Variants in SMARCA2 observed in about 807,000 individuals in gnomAD.
The protein encoded by SMARCA2 is SWI/SNF-related matrix-associated actin-dependent regulator of chromatin subfamily A member 2.
In SMARCA2, 61 loss-of-function variants were observed where a neutral mutation model predicts 199.8. The observed-to-expected ratio is 0.31, with a 90% confidence interval of 0.25 to 0.38. The LOEUF (loss-of-function observed/expected upper bound fraction) is 0.38. SMARCA2 is among the 10% of genes least tolerant of loss of function. The probability of loss-of-function intolerance (pLI) is 1.00; values close to 1 mark genes in which losing one functional copy is unlikely to be tolerated. For missense variants in SMARCA2, 1,344 were observed against 2,012.2 expected (o/e 0.67, Z 6.35); for synonymous variants, 935 against 732.0 (o/e 1.28, Z -4.48).
chr9:2,084,864 C>T (rs1200525054), intron 17 of SMARCA2, among the ~76,000 whole-genome samples: 2 of 152,086 alleles, frequency 1.3e-5, no homozygotes, highest in Non-Finnish European at 2.9e-5. Flanking sequence ...ATTTTTACTC[C>T]CATTTATATC....
chr9:2,034,689 CTA>C (rs1338779095), intron 3 of SMARCA2, among the ~76,000 whole-genome samples: 3 of 152,194 alleles, frequency 2.0e-5, no homozygotes, highest in Non-Finnish European at 4.4e-5. Context: ...TTAGAGAAGT[CTA>C]TGCACAGTTG....
intron 24 of SMARCA2, among the ~76,000 whole-genome samples, chr9:2,113,774 A>G (rs1298031409): frequency 6.6e-6 from 1 of 152,122 alleles, no homozygotes; most frequent in East Asian, 1.9e-4. Context: ...TGTTCTATTC[A>G]TATTCTGCTG....
At chr9:2,160,420 T>C in intron 27 of SMARCA2, 1 of 549,104 alleles carries the variant, frequency 1.8e-6, no homozygotes. Context: ...CATATTTTTT[T>C]AAAAATCCCA....
chr9:2,064,620 A>G (rs1044551804), intron 9 of SMARCA2, among the ~76,000 whole-genome samples: 6 of 152,178 alleles, frequency 3.9e-5, no homozygotes, highest in African/African-American at 1.4e-4. Flanking sequence ...AATCAGTTGA[A>G]TATTAGTGTG....
chr9:2,090,825 G>T (rs1822022720), intron 19 of SMARCA2, among the ~76,000 whole-genome samples: 1 of 151,524 alleles, frequency 6.6e-6, no homozygotes, highest in Non-Finnish European at 1.5e-5. Context: ...CTGGGCTGAT[G>T]TTCATTTTCT....
Position 2,060,118 on chromosome 9 carries a change from C to CAAAAAA in SMARCA2, c.1522-671_1522-666dup, listed in dbSNP as rs372329238. Among the ~76,000 whole-genome samples the CAAAAAA allele has an allele frequency of 2.9e-3, 184 of 62,386 alleles. 5 individuals are homozygous for CAAAAAA. Among genetic ancestry groups the CAAAAAA allele is most frequent in the African/African-American group, 7.6e-3 (172 of 22,520 alleles). The allele number at this position is 62,386 out of a possible 152,430, so 40.9% of individuals were successfully genotyped here. On this transcript the variant is annotated intron_variant, in intron 8 of 33. Transcript: ENST00000349721. ...CCATTACTCAGTGCAGATCTGTGGCCAAAAAAAAAAAAAAAAAAAAAAAAA... is the reference window on the plus strand; with the variant it reads ...CCATTACTCAGTGCAGATCTGTGGCCAAAAAAAAAAAAAAAAAAAAAAAAAAAAAAA...
intron 28 of SMARCA2, among the ~76,000 whole-genome samples, chr9:2,164,072 G>A (rs916064607): frequency 5.9e-5 from 9 of 152,104 alleles, no homozygotes; most frequent in Admixed American, 6.5e-5. Context: ...TGGCAGCATC[G>A]CGCTCTAGGT....
At chr9:2,129,185 G>C (rs1430722271) in intron 27 of SMARCA2, among the ~76,000 whole-genome samples, 1 of 152,194 alleles carries the variant, frequency 6.6e-6, no homozygotes, top group Non-Finnish European at 1.5e-5. Flanking sequence ...TTGGGAGGGC[G>C]AGGCGGGTGG....
chr9:2,035,526 T>C (rs2130222019), intron 3 of SMARCA2, among the ~76,000 whole-genome samples: 1 of 152,314 alleles, frequency 6.6e-6, no homozygotes, highest in Admixed American at 6.5e-5. Context: ...TTTACTTTTA[T>C]TTCTGTGATC....
chr9:2,046,806 A>C (rs1001156701), intron 4 of SMARCA2, among the ~76,000 whole-genome samples: 1 of 151,914 alleles, frequency 6.6e-6, no homozygotes, highest in South Asian at 2.1e-4. Context: ...TCTTTTCTGA[A>C]CTCTCAATGC....
chr9:2,077,823 C>T (rs1424784220), intron 14 of SMARCA2, 47 bp downstream of exon 14: 1 of 1,544,674 alleles, frequency 6.5e-7, no homozygotes, highest in East Asian at 2.4e-5. Flanking sequence ...AACCATTTAC[C>T]TAATTTTGAT....
chr9:2,161,337 T>C lies in SMARCA2; in HGVS notation c.3982-349T>C, dbSNP rs1825663213. On this transcript the variant is annotated intron_variant, in intron 27 of 33. Coordinates refer to ENST00000349721, the MANE Select transcript of SMARCA2 (RefSeq NM_003070.5). This position sits in a 1 kb window ranked among gnomAD's most constrained non-coding sequence, Gnocchi z 4.7. ...CCTTCCCTTACAGTAATGAGAACATTAGGGTCTTGTTCTTAAACTGAGCTA... is the reference window on the plus strand; with the variant it reads ...CCTTCCCTTACAGTAATGAGAACATCAGGGTCTTGTTCTTAAACTGAGCTA... Among the ~76,000 whole-genome samples, 1 of 152,148 alleles carries C rather than the reference T, an allele frequency of 6.6e-6. No homozygotes were observed. Among genetic ancestry groups the C allele is most frequent in the African/African-American group, 2.4e-5 (1 of 41,434 alleles).
At chr9:2,148,535 C>T (rs1340339946) in intron 27 of SMARCA2, among the ~76,000 whole-genome samples, 2 of 151,382 alleles carry the variant, frequency 1.3e-5, no homozygotes, top group East Asian at 3.9e-4. Context: ...TACATGTGCA[C>T]AATGTGCAGG....
Position 2,073,564 on chromosome 9 carries a change from A to C in SMARCA2, c.1878-2A>C. 6.2e-7 allele frequency: 1 copy of C among 1,610,180 alleles called. No homozygotes were observed. The highest frequency in any genetic ancestry group is 8.5e-7 in the Non-Finnish European group (1 of 1,176,894). ...CTCCTCTTCCTCACTCTTTTTCCTT[A>C]GTTATGAAGTTGCCCCTAGATCTGA... On this transcript the variant is annotated splice_acceptor_variant, in intron 11 of 33. Transcript: ENST00000349721. LOFTEE classifies it high-confidence loss of function.
chr9:2,159,327 A>G (rs986974176), intron 27 of SMARCA2: 1 of 272,326 alleles, frequency 3.7e-6, no homozygotes, highest in African/African-American at 2.2e-5. Context: ...GCAGAATAAC[A>G]TATTATGTTA....
At chr9:2,033,904 T>C (rs564293180) in intron 3 of SMARCA2, among the ~76,000 whole-genome samples, 7 of 152,226 alleles carry the variant, frequency 4.6e-5, no homozygotes, top group African/African-American at 1.7e-4. Context: ...TGGATTAGGG[T>C]CTTCCCTAAT....
chr9:2,047,200 G>C (rs1368793179), intron 4 of SMARCA2, 29 bp from the exon 5 acceptor site: 25 of 1,012,328 alleles, frequency 2.5e-5, no homozygotes, highest in Admixed American at 6.0e-5. Context: ...CGTCCCGCCC[G>C]AGCTGCCCAT....
intron 28 of SMARCA2, among the ~76,000 whole-genome samples, chr9:2,168,998 C>G (rs16937814): frequency 6.6e-6 from 1 of 152,284 alleles, no homozygotes; most frequent in African/African-American, 2.4e-5. Flanking sequence ...CGTGCACATT[C>G]GGAGATGACA....
chr9:2,187,180 A>AGTTT (rs547549894), intron 32 of SMARCA2, among the ~76,000 whole-genome samples: 5 of 151,870 alleles, frequency 3.3e-5, no homozygotes, highest in African/African-American at 1.2e-4. Context: ...AAATGTTGAT[A>AGTTT]GTTTGTTTAT....
Sources: gnomAD v4.1 joint callset for allele counts (sites outside exome capture counted in the v4.1 genomes callset) on GRCh38, gnomAD v4.1.1 for gene constraint, Gnocchi (gnomAD v3.1) non-coding constraint, MANE v1.5 for transcripts, NCBI Gene and HGNC (gene_info 2026-07-23, HGNC 2026-07-21) for gene names.